Variants in TAF15 observed in about 807,000 individuals in gnomAD.
TAF15 encodes the protein TATA-box binding protein associated factor 15, also known as TATA-binding protein-associated factor 2N.
In TAF15, 37 loss-of-function variants were observed where a neutral mutation model predicts 102.5. The ratio of observed to expected loss-of-function variants is 0.36; its 90% CI spans 0.28 to 0.47. TAF15 has a LOEUF of 0.47. Among genes scored for constraint, TAF15 ranks in the 20% least tolerant of loss-of-function variants. The pLI is 0.99. For synonymous variants in TAF15, 273 were observed against 259.2 expected (o/e 1.05, Z -0.51); for missense variants, 652 against 760.7 (o/e 0.86, Z 1.68).
rs1485354261 is a variant in TAF15 at position 35,833,676 on chromosome 17, A to G, written c.606-231A>G. 3.0e-5 allele frequency: 16 copies of G among 531,056 alleles called. No homozygotes were observed. The South Asian group carries it at 3.7e-4, about 12-fold the overall frequency. The allele number at this position is 531,056 out of a possible 1,614,324, so 32.9% of individuals were successfully genotyped here. ...GTTGGGAAGATTTAGAAATAAGAGT[A>G]TATTAGATATGTAATAAGCTTGAAA... is the stretch of plus-strand genomic sequence containing the variant. On this transcript the variant is annotated intron_variant, in intron 7 of 15. Coordinates refer to ENST00000605844, the MANE Select transcript of TAF15 (RefSeq NM_139215.3).
chr17:35,826,821 C>T (rs2087336236), intron 7 of TAF15, among the ~76,000 whole-genome samples: 1 of 151,218 alleles, frequency 6.6e-6, no homozygotes, highest in African/African-American at 2.4e-5. Context: ...CCGCCTTGGC[C>T]TCCCAAGATT....
chr17:35,835,451 T>C (rs1230993092), intron 9 of TAF15, among the ~76,000 whole-genome samples: 1 of 152,208 alleles, frequency 6.6e-6, no homozygotes, highest in African/African-American at 2.4e-5. Context: ...AAGTTATAAT[T>C]TAGAGGTTAA....
At chr17:35,812,583 C>CA (rs34497840) in intron 1 of TAF15, among the ~76,000 whole-genome samples, 2,400 of 64,366 alleles carry the variant, frequency 0.037, 58 homozygotes, top group African/African-American at 0.081. Context: ...AACTCTATCT[C>CA]AAAAAAAAAA....
Position 35,846,887 on chromosome 17 carries a change from CT to C in TAF15, c.1740-16del. On this transcript the variant is annotated intron_variant, in intron 15 of 15. Coordinates refer to ENST00000605844, the MANE Select transcript of TAF15 (RefSeq NM_139215.3). ...TAGAAAATTAGAATTTAGTCCGGCT[CT>C]TTATTTTTCATTCCTAGAAACGACT... The C allele has an allele frequency of 6.2e-7, 1 of 1,613,750 alleles. No individual in the cohort carries two copies. The highest frequency in any genetic ancestry group is 1.3e-5 in the African/African-American group (1 of 75,020).
chr17:35,833,304 G>A (rs541620003), intron 7 of TAF15, among the ~76,000 whole-genome samples: 7 of 152,266 alleles, frequency 4.6e-5, no homozygotes, highest in South Asian at 2.1e-4. Context: ...GTAGGAGGGC[G>A]GTTTTTAAGT....
chr17:35,840,834 A>G (rs930321594), intron 11 of TAF15, among the ~76,000 whole-genome samples: 5 of 151,992 alleles, frequency 3.3e-5, no homozygotes, highest in African/African-American at 1.2e-4. Context: ...ACTGTACTCC[A>G]GCCTGGGTGA....
chr17:35,840,727 G>A (rs988092216), intron 11 of TAF15, among the ~76,000 whole-genome samples: 18 of 152,096 alleles, frequency 1.2e-4, no homozygotes, highest in African/African-American at 2.9e-4. Flanking sequence ...AGCCAGGCGC[G>A]GTGGTGAGCA....
intron 9 of TAF15, among the ~76,000 whole-genome samples, chr17:35,835,520 G>A (rs1488298036): frequency 6.6e-6 from 1 of 152,212 alleles, no homozygotes; most frequent in Non-Finnish European, 1.5e-5. Context: ...AGATGCCAAA[G>A]TATTCTATGT....
chr17:35,835,875 A>G (rs1273462406), intron 9 of TAF15, among the ~76,000 whole-genome samples: 1 of 152,268 alleles, frequency 6.6e-6, no homozygotes, highest in Non-Finnish European at 1.5e-5. Flanking sequence ...TTGTAAGATC[A>G]TCCTTAATTG....
intron 6 of TAF15, among the ~76,000 whole-genome samples, chr17:35,823,346 A>G (rs1477294910): frequency 6.6e-6 from 1 of 152,226 alleles, no homozygotes; most frequent in Non-Finnish European, 1.5e-5. Context: ...AGATTCAGTT[A>G]TTCCTTGTCC....
Position 35,834,578 on chromosome 17 carries a change from A to C in TAF15, c.653A>C (p.Tyr218Ser), listed in dbSNP as rs1183500233. 1 of 1,613,316 alleles carries C rather than the reference A, an allele frequency of 6.2e-7. No homozygotes were observed. Among genetic ancestry groups the C allele is most frequent in the Non-Finnish European group, 8.5e-7 (1 of 1,179,836 alleles). ...TCTTTTCCCTTAGGTCACAGGGATT[A>C]TGGACCCAGAACAGATGCTGGTAAG... ...GFKNFGGHRD[Y>S]GPRTDADSES... is the part of the protein sequence containing the mutation. The change falls in exon 9 of 16, where the codon TAT (tyrosine) becomes TCT (serine). Residue 218 changes from tyrosine to serine, a missense_variant. Tyr to Ser is a moderately radical substitution (Grantham distance 144, BLOSUM62 -2). Coordinates refer to ENST00000605844, the MANE Select transcript of TAF15 (RefSeq NM_139215.3).
chr17:35,844,201 G>C, intron 13 of TAF15, 43 bp downstream of exon 13: 1 of 1,612,364 alleles, frequency 6.2e-7, no homozygotes, highest in African/African-American at 1.3e-5. Flanking sequence ...GGTTGGGATT[G>C]GGGCTGTGGA....
rs1346305548 is a variant in TAF15 at position 35,809,510 on chromosome 17, T to C, written c.-60T>C. The C allele has an allele frequency of 4.3e-6, 7 of 1,610,630 alleles. No individual in the cohort carries two copies. The East Asian group carries it at 1.3e-4, about 31-fold the overall frequency. ...GTACAGCTCCGGCCGCCGCGCCGCC[T>C]GGCTTTCGTATTCGTTGTTCTCGGC... On this transcript the variant is annotated 5_prime_UTR_variant, in exon 1 of 16. Transcript: ENST00000605844.
intron 14 of TAF15, 42 bp from the exon 15 acceptor site, chr17:35,844,435 G>T (rs2073627): frequency 6.2e-7 from 1 of 1,613,010 alleles, no homozygotes; most frequent in African/African-American, 1.3e-5. Context: ...GGGGCTTTAC[G>T]TTGTTTCTGC....
In TAF15 at chr17:35,844,986, G is replaced by A. The variant is rs2087606491; in HGVS notation, c.1687G>A (p.Gly563Ser). The change falls in exon 15 of 16, where the codon GGT (glycine) becomes AGT (serine). Residue 563 changes from glycine to serine, a missense_variant. By Grantham distance (56) the Gly-to-Ser change is moderately conservative. This residue lies in a region of TAF15 where 368 missense variants were observed against 367.5 expected (regional missense o/e 1.00). Transcript: ENST00000605844. ...TGGTGGCGGCTATGGAGGAGACCGA[G>A]GTGGGGGCTACGGAGGAGACCGAGG... is the stretch of plus-strand genomic sequence containing the variant. ...RSGGGYGGDR[G>S]GGYGGDRGGY... 4.3e-6 allele frequency: 7 copies of A among 1,612,102 alleles called. No individual in the cohort carries two copies. In the East Asian group the frequency reaches 1.1e-4, roughly 26 times the overall value.
At chr17:35,827,327 C>G (rs916068416) in intron 7 of TAF15, among the ~76,000 whole-genome samples, 3 of 146,366 alleles carry the variant, frequency 2.0e-5, no homozygotes, top group Admixed American at 1.4e-4. Context: ...CAGAGCAAGA[C>G]TCCGTCGCAA....
At chr17:35,824,888 T>C (rs756332881) in intron 7 of TAF15, among the ~76,000 whole-genome samples, 2 of 152,012 alleles carry the variant, frequency 1.3e-5, no homozygotes, top group Non-Finnish European at 2.9e-5. Flanking sequence ...AAAATTGGTT[T>C]TAGATATATC....
chr17:35,823,403 CTTTTAAGA>C (rs1568254307), intron 6 of TAF15, among the ~76,000 whole-genome samples: 4 of 152,090 alleles, frequency 2.6e-5, no homozygotes, highest in Admixed American at 2.0e-4. Context: ...AAAGTGGTAA[CTTTTAAGA>C]TTGGGGGGCC....
chr17:35,846,230 C>T (rs1471529503), intron 15 of TAF15, among the ~76,000 whole-genome samples: 2 of 152,210 alleles, frequency 1.3e-5, no homozygotes, highest in Non-Finnish European at 2.9e-5. Flanking sequence ...GCTGTGTGAT[C>T]TTAGGAAAGT....
Sources: allele counts gnomAD v4.1 joint callset (sites outside exome capture counted in the v4.1 genomes callset), GRCh38; gene constraint gnomAD v4.1.1; regional missense constraint gnomAD v4.1.1; transcripts MANE v1.5; gene names NCBI Gene and HGNC (gene_info 2026-07-23, HGNC 2026-07-21).